AOAH: variants seen among roughly 807,000 people sequenced by gnomAD.
AOAH encodes acyloxyacyl hydrolase.
Under a neutral mutation model 92.2 loss-of-function variants are expected in AOAH, and 64 were observed. That is an observed-to-expected ratio of 0.69 (90% CI 0.57 to 0.86). The LOEUF (loss-of-function observed/expected upper bound fraction) is 0.86, where lower values mean the gene tolerates loss of function less well. Among genes scored for constraint, AOAH ranks in the 40% least tolerant of loss-of-function variants. The pLI is 0.00. For missense variants in AOAH, 656 were observed against 694.6 expected (o/e 0.94, Z 0.62); for synonymous variants, 263 against 254.5 (o/e 1.03, Z -0.32).
intron 20 of AOAH, among the ~76,000 whole-genome samples, chr7:36,518,834 T>C (rs1783963483): frequency 6.6e-6 from 1 of 152,186 alleles, no homozygotes; most frequent in Non-Finnish European, 1.5e-5. Flanking sequence ...CACCCGATGA[T>C]CTGGAATCAT....
At chr7:36,659,524 C>T (rs571123607) in intron 3 of AOAH, among the ~76,000 whole-genome samples, 4 of 152,240 alleles carry the variant, frequency 2.6e-5, no homozygotes, top group East Asian at 3.9e-4. Context: ...CAGCCTCTCA[C>T]GCGAGTGCTG....
intron 1 of AOAH, among the ~76,000 whole-genome samples, chr7:36,688,430 G>A (rs1797170837): frequency 1.3e-5 from 2 of 151,948 alleles, no homozygotes; most frequent in South Asian, 2.1e-4. Flanking sequence ...CATTAATAAT[G>A]TACTTTTACA....
chr7:36,580,960 T>C (rs917603905), intron 12 of AOAH, among the ~76,000 whole-genome samples: 49 of 152,280 alleles, frequency 3.2e-4, no homozygotes, highest in African/African-American at 1.0e-3. Flanking sequence ...GATACTCCTC[T>C]CCTCATTTAT....
chr7:36,684,060 T>C (rs12534128), intron 2 of AOAH, among the ~76,000 whole-genome samples: 11,755 of 152,036 alleles, frequency 0.077, 526 homozygotes, highest in East Asian at 0.18. Context: ...TGGTTTGTGG[T>C]GTTGAAACAT....
chr7:36,613,484 A>G (rs575132020), intron 11 of AOAH, among the ~76,000 whole-genome samples: 1 of 152,308 alleles, frequency 6.6e-6, no homozygotes, highest in East Asian at 1.9e-4. Context: ...ATCTTGTATT[A>G]CTTATTTAGC....
In AOAH at chr7:36,593,916, A is replaced by C. The variant is rs6960862; in HGVS notation, c.938+423T>G. ...AGTGAATTGGGTTTGTGTGTCATTCAAACTCACCAGGCCTGGTCTCTACCT... is the reference window on the plus strand; with the variant it reads ...AGTGAATTGGGTTTGTGTGTCATTCCAACTCACCAGGCCTGGTCTCTACCT... On this transcript the variant is annotated intron_variant, in intron 12 of 20. Transcript: ENST00000617537. Among the ~76,000 whole-genome samples the C allele has an allele frequency of 8.8e-3, 1,342 of 152,348 alleles. 23 individuals are homozygous for C. The highest frequency in any genetic ancestry group is 0.031 in the African/African-American group (1,280 of 41,580).
At chr7:36,626,178 C>CAG (rs780078026) in intron 6 of AOAH, among the ~76,000 whole-genome samples, 57 of 150,452 alleles carry the variant, frequency 3.8e-4, no homozygotes, top group Middle Eastern at 3.4e-3. Flanking sequence ...GACAGATCAA[C>CAG]AGAGAGAGAG....
At chr7:36,561,040 C>CTTTT (rs72472573) in intron 13 of AOAH, among the ~76,000 whole-genome samples, 2 of 121,802 alleles carry the variant, frequency 1.6e-5, no homozygotes, top group Admixed American at 8.2e-5. Context: ...GCACTGGGAA[C>CTTTT]TTTTTTTTTT....
intron 3 of AOAH, among the ~76,000 whole-genome samples, chr7:36,663,136 C>A (rs969448345): frequency 1.3e-5 from 2 of 152,140 alleles, no homozygotes; most frequent in Non-Finnish European, 1.5e-5. Context: ...AAGAGAGTCA[C>A]ATTTTTCATT....
chr7:36,607,799 C>A (rs921159399), intron 11 of AOAH, among the ~76,000 whole-genome samples: 1 of 152,116 alleles, frequency 6.6e-6, no homozygotes, highest in African/African-American at 2.4e-5. Flanking sequence ...CTGAGACTTG[C>A]GGTGGAGGGA....
At chr7:36,658,094 G>C (rs1196875105) in intron 4 of AOAH, among the ~76,000 whole-genome samples, 1 of 152,056 alleles carries the variant, frequency 6.6e-6, no homozygotes, top group Non-Finnish European at 1.5e-5. Flanking sequence ...CTAGGTACCA[G>C]TGGAGCCTGC....
chr7:36,620,977 T>A (rs1309495881), intron 8 of AOAH, 148 bp from the exon 9 acceptor site: 1 of 720,054 alleles, frequency 1.4e-6, no homozygotes. Context: ...TAGCATCACA[T>A]CCCATTGTGT....
intron 20 of AOAH, among the ~76,000 whole-genome samples, chr7:36,513,616 G>A (rs943070468): frequency 3.3e-5 from 5 of 152,246 alleles, no homozygotes; most frequent in East Asian, 1.9e-4. Context: ...GTCACATTGC[G>A]TGAGGCTTGG....
intron 9 of AOAH, among the ~76,000 whole-genome samples, chr7:36,619,297 G>A (rs1433882883): frequency 6.6e-6 from 1 of 152,166 alleles, no homozygotes; most frequent in East Asian, 1.9e-4. Context: ...CTCTGTGGAA[G>A]GGGATAGGTA....
intron 13 of AOAH, among the ~76,000 whole-genome samples, chr7:36,552,096 A>G (rs1342316004): frequency 6.6e-6 from 1 of 152,082 alleles, no homozygotes; most frequent in Non-Finnish European, 1.5e-5. Flanking sequence ...TTTGTTACAT[A>G]GGTAAATATG....
intron 4 of AOAH, among the ~76,000 whole-genome samples, chr7:36,652,759 C>T (rs965994270): frequency 6.6e-6 from 1 of 152,192 alleles, no homozygotes; most frequent in Non-Finnish European, 1.5e-5. Context: ...GAACATTTTA[C>T]CGACGTACTT....
At chr7:36,534,699 G>T (rs77773908) in intron 16 of AOAH, among the ~76,000 whole-genome samples, 4,508 of 152,230 alleles carry the variant, frequency 0.03, 148 homozygotes, top group Admixed American at 0.073. Context: ...ACTTCTATGG[G>T]GTGCATGAAG....
At chr7:36,647,972 A>G (rs1562655881) in intron 4 of AOAH, among the ~76,000 whole-genome samples, 2 of 152,032 alleles carry the variant, frequency 1.3e-5, no homozygotes. Flanking sequence ...CTGGGACTAC[A>G]GGTTCACGCC....
chr7:36,654,801 G>A (rs1187646934), intron 4 of AOAH, among the ~76,000 whole-genome samples: 1 of 152,190 alleles, frequency 6.6e-6, no homozygotes, highest in Non-Finnish European at 1.5e-5. Flanking sequence ...GTCTCAGTGA[G>A]GCAGAGAGCA....
Sources: allele counts gnomAD v4.1 joint callset (sites outside exome capture counted in the v4.1 genomes callset), GRCh38; gene constraint gnomAD v4.1.1; transcripts MANE v1.5; gene names NCBI Gene and HGNC (gene_info 2026-07-23, HGNC 2026-07-21).